Variants in HIBCH observed in about 807,000 individuals in gnomAD.
The protein encoded by HIBCH is 3-hydroxyisobutyryl-CoA hydrolase, also known as 3-hydroxyisobutyryl-CoA hydrolase, mitochondrial.
In HIBCH, 50 loss-of-function variants were observed where a neutral mutation model predicts 58.2. That is an observed-to-expected ratio of 0.86 (90% CI 0.68 to 1.09). HIBCH has a LOEUF of 1.09. HIBCH is among the 50% of genes least tolerant of loss of function. The pLI is 0.00. For missense variants in HIBCH, 450 were observed against 449.7 expected (o/e 1.00, Z -0.01); for synonymous variants, 151 against 146.9 (o/e 1.03, Z -0.20).
intron 7 of HIBCH, among the ~76,000 whole-genome samples, chr2:190,256,427 C>T (rs1686924443): frequency 6.9e-6 from 1 of 145,210 alleles, no homozygotes; most frequent in African/African-American, 2.7e-5. Context: ...CTAGTTGGAC[C>T]ACTGCTCCAA....
chr2:190,268,672 C>T (rs1368103668), intron 6 of HIBCH, among the ~76,000 whole-genome samples: 2 of 152,136 alleles, frequency 1.3e-5, no homozygotes, highest in African/African-American at 2.4e-5. Context: ...CATATAAATA[C>T]GTTAATCTGC....
chr2:190,287,803 T>A (rs892356079), intron 5 of HIBCH, among the ~76,000 whole-genome samples, 165 bp from the exon 6 acceptor site: 1 of 152,198 alleles, frequency 6.6e-6, no homozygotes, highest in Admixed American at 6.5e-5. Context: ...TATTTTTAAA[T>A]GTCAATCCAA....
Position 190,286,449 on chromosome 2 carries a change from CT to C in HIBCH, c.438+1136del, listed in dbSNP as rs148668006. Among the ~76,000 whole-genome samples, 732 of 152,204 alleles carry C rather than the reference CT, an allele frequency of 4.8e-3. 6 individuals are homozygous for C. Among genetic ancestry groups the C allele is most frequent in the African/African-American group, 0.017 (687 of 41,518 alleles). On this transcript the variant is annotated intron_variant, in intron 6 of 13. Transcript: ENST00000359678. ...TTATGCTTCTCTATTGTCAATCTGT[CT>C]TTTGTTATATGGATACTGGCCATGA...
rs553102014 is a variant in HIBCH at position 190,306,283 on chromosome 2, G to A, written c.78+4471C>T. Among the ~76,000 whole-genome samples, 1 of 152,030 alleles carries A rather than the reference G, an allele frequency of 6.6e-6. No homozygotes were observed. Among genetic ancestry groups the A allele is most frequent in the African/African-American group, 2.4e-5 (1 of 41,384 alleles). On this transcript the variant is annotated intron_variant, in intron 2 of 13. Transcript: ENST00000359678. This position sits in a 1 kb window ranked among gnomAD's most constrained non-coding sequence, Gnocchi z 4.6. ...GAAATTTCTCTGTACCTTACTGCTG[G>A]GTGTGCTATGAATAGGTATGCCATG...
chr2:190,305,399 T>A (rs1038377523), intron 2 of HIBCH, among the ~76,000 whole-genome samples: 22 of 152,180 alleles, frequency 1.4e-4, no homozygotes, highest in Admixed American at 3.3e-4. Flanking sequence ...GCTTCTTTTC[T>A]GGCTTCGGAT....
rs888316350 is a variant in HIBCH at position 190,197,501 on chromosome 2, C to T, written c.*18-7504G>A. On this transcript the variant is annotated intron_variant, in intron 1 of 1. Coordinates refer to the HIBCH transcript ENST00000399855. This position sits in a 1 kb window ranked among gnomAD's most constrained non-coding sequence, Gnocchi z 4.0. The stretch of plus-strand genomic sequence containing the variant: ...TCATGCAGATTTCTGCCTCTCTTCC[C>T]AATCTTGAACTCTATCTTATAAATT... Among the ~76,000 whole-genome samples, 2 of 152,184 alleles carry T rather than the reference C, an allele frequency of 1.3e-5. No homozygotes were observed. Among genetic ancestry groups the T allele is most frequent in the African/African-American group, 4.8e-5 (2 of 41,444 alleles).
intron 4 of HIBCH, among the ~76,000 whole-genome samples, chr2:190,294,249 T>G (rs1451592197): frequency 6.6e-6 from 1 of 151,720 alleles, no homozygotes; most frequent in Non-Finnish European, 1.5e-5. Context: ...AAATATAAAG[T>G]GGACCCATAT....
intron 11 of HIBCH, among the ~76,000 whole-genome samples, chr2:190,226,245 G>A (rs188127131): frequency 2.7e-3 from 408 of 152,118 alleles, no homozygotes; most frequent in African/African-American, 9.2e-3. Flanking sequence ...CATAGTGTTG[G>A]AAGTTCTGGC....
At chr2:190,221,281 C>T (rs753218588) in intron 11 of HIBCH, among the ~76,000 whole-genome samples, 3 of 152,186 alleles carry the variant, frequency 2.0e-5, no homozygotes, top group African/African-American at 2.4e-5. Flanking sequence ...TCCTAGGCTT[C>T]ACCACCTTCT....
chr2:190,308,585 C>A (rs1407344384), intron 2 of HIBCH, among the ~76,000 whole-genome samples: 1 of 152,164 alleles, frequency 6.6e-6, no homozygotes, highest in East Asian at 1.9e-4. Flanking sequence ...AGCCCCCTTG[C>A]CACATGATGT....
intron 6 of HIBCH, among the ~76,000 whole-genome samples, chr2:190,284,584 C>A (rs965170907): frequency 6.6e-6 from 1 of 152,138 alleles, no homozygotes; most frequent in Non-Finnish European, 1.5e-5. Context: ...TACTAAATAA[C>A]GACTTAGTTG....
At chr2:190,265,480 T>G (rs994264125) in intron 6 of HIBCH, among the ~76,000 whole-genome samples, 1 of 152,038 alleles carries the variant, frequency 6.6e-6, no homozygotes, top group African/African-American at 2.4e-5. Flanking sequence ...ACTGGATTTT[T>G]GAATTGGTAG....
chr2:190,248,753 C>G (rs60584672), intron 9 of HIBCH, among the ~76,000 whole-genome samples: 16 of 151,754 alleles, frequency 1.1e-4, no homozygotes, highest in Non-Finnish European at 2.1e-4. Flanking sequence ...CCCAGCTACT[C>G]GGGAGGCTGA....
Position 190,193,197 on chromosome 2 carries a change from TC to T in HIBCH, c.*18-3201del, listed in dbSNP as rs199811359. On this transcript the variant is annotated intron_variant, in intron 1 of 1. Transcript: ENST00000399855. ...AATGGTATTTTATCAAAATTTTTTT[TC>T]TGTTTCTACTGAGGTGATCATCTGA... is the stretch of plus-strand genomic sequence containing the variant. Among the ~76,000 whole-genome samples, 840 of 152,228 alleles carry T rather than the reference TC, an allele frequency of 5.5e-3. 11 individuals carry two copies. The highest frequency in any genetic ancestry group is 0.018 in the African/African-American group (766 of 41,516).
intron 1 of HIBCH, among the ~76,000 whole-genome samples, chr2:190,192,130 A>C (rs953341735): frequency 3.9e-5 from 6 of 152,076 alleles, no homozygotes; most frequent in Non-Finnish European, 5.9e-5. Context: ...TTTTTCTATA[A>C]AGTATAAGGT....
Position 190,213,023 on chromosome 2 carries a change from A to C in HIBCH, c.944T>G (p.Met315Arg), listed in dbSNP as rs1250523750. 6.2e-7 allele frequency: 1 copy of C among 1,609,706 alleles called. No individual in the cohort carries two copies. The highest frequency in any genetic ancestry group is 8.5e-7 in the Non-Finnish European group (1 of 1,176,332). The change falls in exon 12 of 14, where the codon ATG becomes AGG. Residue 315 changes from methionine to arginine, a missense_variant. Met to Arg is a moderately conservative substitution (Grantham distance 91, BLOSUM62 -1). Coordinates refer to ENST00000359678, the MANE Select transcript of HIBCH (RefSeq NM_014362.4). ...TTGCAAGGTCTTTGAAGACCCCTCC[A>C]TGAGTTGCCTTAGTGTGATCTTTAG... is the stretch of plus-strand genomic sequence containing the variant. Reference protein sequence around the residue: ...TSLKITLRQLMEGSSKTLQEV... With the variant: ...TSLKITLRQLREGSSKTLQEV...
chr2:190,246,783 G>T (rs1013262445), intron 9 of HIBCH, among the ~76,000 whole-genome samples: 1 of 152,124 alleles, frequency 6.6e-6, no homozygotes, highest in Non-Finnish European at 1.5e-5. Flanking sequence ...CATGATCCAG[G>T]TCCTTCTCAT....
At chr2:190,295,891 A>C (rs1481127901) in intron 3 of HIBCH, among the ~76,000 whole-genome samples, 1 of 152,232 alleles carries the variant, frequency 6.6e-6, no homozygotes, top group Non-Finnish European at 1.5e-5. Context: ...TACATGGCAG[A>C]CTGTATTAGG....
chr2:190,311,989 T>C (rs1688569793), intron 1 of HIBCH, among the ~76,000 whole-genome samples: 1 of 152,168 alleles, frequency 6.6e-6, no homozygotes, highest in African/African-American at 2.4e-5. Context: ...ACACGGAATG[T>C]TGGAAATTGT....
Sources: allele counts gnomAD v4.1 joint callset (sites outside exome capture counted in the v4.1 genomes callset), GRCh38; gene constraint gnomAD v4.1.1; non-coding constraint Gnocchi (gnomAD v3.1); transcripts MANE v1.5; gene names NCBI Gene and HGNC (gene_info 2026-07-23, HGNC 2026-07-21).